The following CDH13 variants were observed in gnomAD, a reference collection of about 807,000 sequenced individuals.
The protein encoded by CDH13 is cadherin-13.
A neutral mutation model predicts 63.8 loss-of-function variants in CDH13; 24 were observed. The ratio of observed to expected loss-of-function variants is 0.38; its 90% CI spans 0.27 to 0.53. The LOEUF is 0.53. Among genes scored for constraint, CDH13 ranks in the 20% least tolerant of loss-of-function variants. The pLI is 0.85. For missense variants in CDH13, 1,049 were observed against 903.1 expected (o/e 1.16, Z -2.07); for synonymous variants, 503 against 355.3 (o/e 1.42, Z -4.67).
chr16:82,715,775 G>A (rs1486364265), intron 1 of CDH13, among the ~76,000 whole-genome samples: 8 of 152,014 alleles, frequency 5.3e-5, no homozygotes, highest in Non-Finnish European at 1.5e-5. Flanking sequence ...GCGATGATGG[G>A]GTTTTTTCTT....
At chr16:82,650,202 C>T (rs545836018) in intron 1 of CDH13, among the ~76,000 whole-genome samples, 3 of 152,140 alleles carry the variant, frequency 2.0e-5, no homozygotes, top group East Asian at 1.9e-4. Context: ...TAACCTTCAG[C>T]AATTGTAATA....
chr16:82,830,638 C>G (rs1411692060), intron 1 of CDH13, among the ~76,000 whole-genome samples: 1 of 152,210 alleles, frequency 6.6e-6, no homozygotes, highest in Non-Finnish European at 1.5e-5. Context: ...TTCTTACCTG[C>G]TCAGTGTCTT....
intron 10 of CDH13, among the ~76,000 whole-genome samples, chr16:83,733,573 C>T (rs986901652): frequency 6.6e-6 from 1 of 152,216 alleles, no homozygotes; most frequent in African/African-American, 2.4e-5. Flanking sequence ...TCACTGTGGT[C>T]CCCGCTGCAG....
intron 3 of CDH13, among the ~76,000 whole-genome samples, chr16:83,069,317 G>C (rs2032261516): frequency 6.6e-6 from 1 of 152,152 alleles, no homozygotes; most frequent in Admixed American, 6.5e-5. Flanking sequence ...TAGTGGAAAT[G>C]TGAGTTTCAG....
chr16:83,154,909 A>G (rs1226987915), intron 4 of CDH13, among the ~76,000 whole-genome samples: 3 of 152,234 alleles, frequency 2.0e-5, no homozygotes, highest in African/African-American at 7.2e-5. Flanking sequence ...GGTTCTTGCA[A>G]TCTTGAACTA....
intron 1 of CDH13, among the ~76,000 whole-genome samples, chr16:82,685,016 G>A (rs1426877429): frequency 2.0e-5 from 3 of 152,272 alleles, no homozygotes; most frequent in East Asian, 3.8e-4. Context: ...ACTTGAGACA[G>A]TGTTTGCTGT....
At chr16:83,093,344 T>C (rs1323927619) in intron 3 of CDH13, among the ~76,000 whole-genome samples, 1 of 131,486 alleles carries the variant, frequency 7.6e-6, no homozygotes, top group Non-Finnish European at 1.6e-5. Flanking sequence ...AGGTGGAGTC[T>C]TCGTCTTTTG....
intron 2 of CDH13, among the ~76,000 whole-genome samples, chr16:82,994,655 G>A (rs1254285439): frequency 6.6e-6 from 1 of 152,154 alleles, no homozygotes; most frequent in Non-Finnish European, 1.5e-5. Context: ...TTCTTTGTAA[G>A]GAAGAAAAAC....
intron 6 of CDH13, among the ~76,000 whole-genome samples, chr16:83,438,123 C>T (rs896101047): frequency 6.6e-6 from 1 of 152,212 alleles, no homozygotes; most frequent in Non-Finnish European, 1.5e-5. Flanking sequence ...ACTTAAGAAG[C>T]AGTGTGCATC....
intron 7 of CDH13, among the ~76,000 whole-genome samples, chr16:83,515,583 C>T (rs535106661): frequency 4.6e-5 from 7 of 152,220 alleles, no homozygotes; most frequent in Non-Finnish European, 1.0e-4. Flanking sequence ...TAGAAAATTG[C>T]CCCAGCTGTC....
intron 5 of CDH13, among the ~76,000 whole-genome samples, chr16:83,281,963 T>C (rs943138968): frequency 6.6e-6 from 1 of 152,154 alleles, no homozygotes; most frequent in African/African-American, 2.4e-5. Flanking sequence ...AGTGTAGCTT[T>C]TGATTTAAAG....
At chr16:83,611,865 G>A (rs1441073785) in intron 8 of CDH13, among the ~76,000 whole-genome samples, 1 of 152,040 alleles carries the variant, frequency 6.6e-6, no homozygotes, top group East Asian at 1.9e-4. Context: ...TAATTCTACA[G>A]TGGTTAGAAA....
rs537889086 is a variant in CDH13, at chr16:83,392,278, A to C, written c.781+47272A>C. Reference sequence around the variant, plus strand: ...ATGGGTGCATGGAGGAGGTTAAATAACAGCTCCAATCTTAAAGCCTCCTTA... The same window carrying C: ...ATGGGTGCATGGAGGAGGTTAAATACCAGCTCCAATCTTAAAGCCTCCTTA... On this transcript the variant is annotated intron_variant, in intron 6 of 13. Transcript: ENST00000567109. Among the ~76,000 whole-genome samples, 125 of 152,290 alleles carry C rather than the reference A, an allele frequency of 8.2e-4. 2 individuals carry two copies. In the South Asian group the frequency reaches 0.013, roughly 16 times the overall value.
intron 1 of CDH13, chr16:82,773,462 G>C (rs565202480): frequency 2.0e-5 from 3 of 152,246 alleles, no homozygotes; most frequent in Non-Finnish European, 4.4e-5. Context: ...GAAATAATAG[G>C]TGGACTTGTC....
intron 1 of CDH13, among the ~76,000 whole-genome samples, chr16:82,690,973 G>T (rs1379744606): frequency 6.6e-6 from 1 of 152,250 alleles, no homozygotes; most frequent in Non-Finnish European, 1.5e-5. Flanking sequence ...TGAGAGGAAA[G>T]CCAGCCAATG....
chr16:82,784,903 T>C (rs1417906393), intron 1 of CDH13, among the ~76,000 whole-genome samples: 1 of 152,208 alleles, frequency 6.6e-6, no homozygotes, highest in Non-Finnish European at 1.5e-5. Flanking sequence ...GCGAGGCTGA[T>C]GCACATTGAA....
chr16:83,284,742 T>C (rs1362292959), intron 5 of CDH13, among the ~76,000 whole-genome samples: 2 of 152,076 alleles, frequency 1.3e-5, no homozygotes, highest in African/African-American at 4.8e-5. Context: ...TAAGTATGAT[T>C]AGTAATAAAT....
chr16:83,279,841 G>A (rs1456379741), intron 5 of CDH13, among the ~76,000 whole-genome samples: 1 of 107,410 alleles, frequency 9.3e-6, no homozygotes, highest in Non-Finnish European at 2.0e-5. Context: ...TGAGTCACAT[G>A]ATTTTTTTTT....
intron 2 of CDH13, among the ~76,000 whole-genome samples, chr16:82,916,509 G>C (rs773868852): frequency 6.6e-6 from 1 of 152,118 alleles, no homozygotes; most frequent in Non-Finnish European, 1.5e-5. Context: ...GGGAGTTGGA[G>C]GTTGCAGTGA....
Sources: gnomAD v4.1 joint callset for allele counts (sites outside exome capture counted in the v4.1 genomes callset) on GRCh38, gnomAD v4.1.1 for gene constraint, MANE v1.5 for transcripts, NCBI Gene and HGNC (gene_info 2026-07-23, HGNC 2026-07-21) for gene names.